The following USP15 variants were observed in gnomAD, a reference collection of about 807,000 sequenced individuals.
The protein encoded by USP15 is ubiquitin carboxyl-terminal hydrolase 15.
In USP15, 18 loss-of-function variants were observed where a neutral mutation model predicts 127.1. The ratio of observed to expected loss-of-function variants is 0.14; its 90% confidence interval spans 0.10 to 0.21. USP15 has a LOEUF of 0.21. USP15 is among the 10% of genes least tolerant of loss of function. The pLI is 1.00. For missense variants in USP15, 805 were observed against 1,159.9 expected, an observed-to-expected ratio of 0.69 and a Z score of 4.44; for synonymous variants, 364 against 393.7, an observed-to-expected ratio of 0.92 and a Z score of 0.89.
intron 6 of USP15, among the ~76,000 whole-genome samples, chr12:62,345,696 A>G (rs1375741298): frequency 6.6e-6 from 1 of 152,118 alleles, no homozygotes; most frequent in African/African-American, 2.4e-5. Context: ...AGACTGGGCA[A>G]TTTACAGAAG....
chr12:62,296,766 C>T (rs928384172), intron 2 of USP15, among the ~76,000 whole-genome samples: 1 of 152,182 alleles, frequency 6.6e-6, no homozygotes, highest in African/African-American at 2.4e-5. Context: ...ATTTTGCCCA[C>T]ATCAGCCCCT....
At chr12:62,335,034 C>T in intron 6 of USP15, 3 of 777,160 alleles carry the variant, frequency 3.9e-6, no homozygotes, top group South Asian at 1.8e-5. Flanking sequence ...GGAAGTCTTA[C>T]CTTTTTCTGT....
chr12:62,338,950 C>T (rs2065567187), intron 6 of USP15, among the ~76,000 whole-genome samples: 2 of 152,086 alleles, frequency 1.3e-5, no homozygotes, highest in African/African-American at 4.8e-5. Context: ...CTTGGCTATA[C>T]AGGCTCATTT....
At chr12:62,274,289 G>C (rs1434430459) in intron 1 of USP15, 1 of 151,876 alleles carries the variant, frequency 6.6e-6, no homozygotes, top group Non-Finnish European at 1.5e-5. Flanking sequence ...GAGGCGAGCA[G>C]TTCAAAACCA....
Position 62,390,064 on chromosome 12 carries a change from A to T in USP15, c.1844+76A>T, listed in dbSNP as rs1325406747. 5 of 1,307,188 alleles carry T rather than the reference A, an allele frequency of 3.8e-6. No individual in the cohort carries two copies. In the African/African-American group the frequency reaches 4.5e-5, roughly 12 times the overall value. 81.0% of individuals were successfully genotyped at this position (1,307,188 alleles called of 1,614,324 possible). On this transcript the variant is annotated intron_variant, in intron 14 of 21. Coordinates refer to ENST00000280377, the MANE Select transcript of USP15 (RefSeq NM_001252078.2). ...TAAAATAGCTAATAAAAATAAACAC[A>T]TAAGGTACTATTGGAATATAATTAT...
Position 62,413,595 on chromosome 12 carries a change from T to C in USP15, c.*9220T>C, listed in dbSNP as rs572575571. ...TCCTTAAACTCCATGAATCAACCAC[T>C]GCTAGCTTCAGACTTTTCTTCTGCA... On this transcript the variant is annotated 3_prime_UTR_variant, in exon 22 of 22. Transcript: ENST00000280377. 17 of 152,368 alleles carry C rather than the reference T, an allele frequency of 1.1e-4. No homozygotes were observed. Among genetic ancestry groups the C allele is most frequent in the Admixed American group, 8.5e-4 (13 of 15,300 alleles). 9.4% of individuals were successfully genotyped at this position (152,368 alleles called of 1,614,324 possible).
chr12:62,291,625 G>A (rs2063971257), intron 1 of USP15, among the ~76,000 whole-genome samples: 1 of 152,092 alleles, frequency 6.6e-6, no homozygotes, highest in Admixed American at 6.5e-5. Flanking sequence ...TTCTCATCTG[G>A]AAAAACACAT....
intron 8 of USP15, among the ~76,000 whole-genome samples, chr12:62,370,166 G>A (rs1455450465): frequency 6.6e-6 from 1 of 152,102 alleles, no homozygotes; most frequent in Non-Finnish European, 1.5e-5. Context: ...GTAGAGACAG[G>A]GTGATCTGCC....
chr12:62,303,710 G>T (rs1459077279), intron 3 of USP15: 2 of 151,650 alleles, frequency 1.3e-5, no homozygotes, highest in Non-Finnish European at 2.9e-5. Context: ...ATTTGGAATT[G>T]ATGCTACAAA....
In USP15 at chr12:62,408,094, T is replaced by A. The variant is rs947410539; in HGVS notation, c.*3719T>A. The stretch of plus-strand genomic sequence containing the variant: ...GGGGTTTTTTATGAACTAATTTGAT[T>A]GAAGTGAGTTTATCTTATAAAATAA... On this transcript the variant is annotated 3_prime_UTR_variant, in exon 22 of 22. Coordinates refer to ENST00000280377, the MANE Select transcript of USP15 (RefSeq NM_001252078.2). 1.3e-5 allele frequency: 2 copies of A among 152,114 alleles called. No homozygotes were observed. The highest frequency in any genetic ancestry group is 2.9e-5 in the Non-Finnish European group (2 of 68,010). 9.4% of individuals were successfully genotyped at this position (152,114 alleles called of 1,614,324 possible).
chr12:62,356,785 G>A (rs1239592762), intron 8 of USP15, among the ~76,000 whole-genome samples: 1 of 151,924 alleles, frequency 6.6e-6, no homozygotes, highest in Non-Finnish European at 1.5e-5. Flanking sequence ...TTCTAGATGA[G>A]GAAGAAAGCC....
chr12:62,274,125 A>G (rs544772430), intron 1 of USP15: 59 of 152,034 alleles, frequency 3.9e-4, no homozygotes, highest in African/African-American at 1.4e-3. Flanking sequence ...AGAGTGCGGG[A>G]CTTTGTGTAC....
chr12:62,332,706 G>A (rs556638946), intron 6 of USP15, among the ~76,000 whole-genome samples: 18 of 152,170 alleles, frequency 1.2e-4, no homozygotes, highest in African/African-American at 3.6e-4. Flanking sequence ...ATGTACTATC[G>A]TCCAGAATAG....
chr12:62,384,372 T>C (rs2067080955), intron 11 of USP15, 70 bp downstream of exon 11: 3 of 1,148,214 alleles, frequency 2.6e-6, no homozygotes, highest in African/African-American at 3.2e-5. Context: ...ATTAAAAAAT[T>C]AGTGTTGAGT....
intron 6 of USP15, among the ~76,000 whole-genome samples, chr12:62,340,710 G>A (rs1035995859): frequency 6.6e-6 from 1 of 152,168 alleles, no homozygotes; most frequent in Non-Finnish European, 1.5e-5. Context: ...TTCTTATCCT[G>A]AGTTCTTACT....
intron 3 of USP15, among the ~76,000 whole-genome samples, chr12:62,305,099 A>G (rs1463628974): frequency 6.6e-6 from 1 of 152,132 alleles, no homozygotes; most frequent in Non-Finnish European, 1.5e-5. Flanking sequence ...TAACATGCAT[A>G]CATATAGTTG....
chr12:62,276,255 A>G (rs1357950685), intron 1 of USP15, among the ~76,000 whole-genome samples: 2 of 152,138 alleles, frequency 1.3e-5, no homozygotes, highest in African/African-American at 4.8e-5. Flanking sequence ...GTATTCAGAA[A>G]TACTTCACCT....
rs1374909296 is a variant in USP15 at position 62,343,401 on chromosome 12, C to A, written c.684-5820C>A. Among the ~76,000 whole-genome samples the A allele has an allele frequency of 2.6e-5, 4 of 152,176 alleles. No individual in the cohort carries two copies. In the East Asian group the frequency reaches 7.7e-4, roughly 29 times the overall value. On this transcript the variant is annotated intron_variant, in intron 6 of 21. Coordinates refer to ENST00000280377, the MANE Select transcript of USP15 (RefSeq NM_001252078.2). ...CCACTTGGCTCCCTGGCTTCAGCCC[C>A]CTTTCCAGGGGAGCGAATGGTTCTG...
chr12:62,344,135 C>T (rs1425929656), intron 6 of USP15, among the ~76,000 whole-genome samples: 1 of 152,200 alleles, frequency 6.6e-6, no homozygotes, highest in African/African-American at 2.4e-5. Context: ...TCAGCATTAA[C>T]TCAGAAGTAC....
Sources: allele counts gnomAD v4.1 joint callset (sites outside exome capture counted in the v4.1 genomes callset), GRCh38; gene constraint gnomAD v4.1.1; transcripts MANE v1.5; gene names NCBI Gene and HGNC (gene_info 2026-07-23, HGNC 2026-07-21).